PHF21A: variants seen among roughly 807,000 people sequenced by gnomAD.
The protein encoded by PHF21A is PHD finger protein 21A, also known as BHC80a.
Under a neutral mutation model 82.5 loss-of-function variants are expected in PHF21A, and 11 were observed. The observed-to-expected ratio is 0.13, with a 90% CI of 0.08 to 0.22. The LOEUF (loss-of-function observed/expected upper bound fraction) is 0.22. Ranked by LOEUF, PHF21A falls within the 10% of genes least tolerant of loss-of-function variation. The pLI is 1.00. For synonymous variants in PHF21A, 297 were observed against 302.8 expected, an observed-to-expected ratio of 0.98 and a Z score of 0.20; for missense variants, 579 against 837.8, an observed-to-expected ratio of 0.69 and a Z score of 3.81.
chr11:45,948,523 A>G (rs1277607729), intron 14 of PHF21A, among the ~76,000 whole-genome samples: 1 of 152,198 alleles, frequency 6.6e-6, no homozygotes, highest in Non-Finnish European at 1.5e-5. Flanking sequence ...TATTAGGAAC[A>G]CCTTGGCAAT....
rs563068611 is a variant in PHF21A, at chr11:46,075,224, C to T, written c.153+1530G>A. Among the ~76,000 whole-genome samples, 129 of 152,288 alleles carry T rather than the reference C, an allele frequency of 8.5e-4. 3 individuals carry two copies. The South Asian group carries it at 0.025, about 30-fold the overall frequency. ...TAAACCAAATCTATGTTAGTTCTCACAAACAAAAATTTCGAGTAGATGTAA... is the reference window on the plus strand; with the variant it reads ...TAAACCAAATCTATGTTAGTTCTCATAAACAAAAATTTCGAGTAGATGTAA... On this transcript the variant is annotated intron_variant, in intron 6 of 18. Transcript: ENST00000676320.
At chr11:46,047,320 A>G (rs2096272532) in intron 6 of PHF21A, among the ~76,000 whole-genome samples, 1 of 152,222 alleles carries the variant, frequency 6.6e-6, no homozygotes, top group South Asian at 2.1e-4. Context: ...CTGGAGTTGA[A>G]AACATGAAAG....
At chr11:46,077,255 C>T (rs758619255) in intron 5 of PHF21A, among the ~76,000 whole-genome samples, 2 of 152,160 alleles carry the variant, frequency 1.3e-5, no homozygotes, top group Non-Finnish European at 2.9e-5. Context: ...TCCACTTGCC[C>T]TCTCCCTTAT....
chr11:45,974,422 ATTATTATT>A lies in PHF21A; in HGVS notation c.361-3063_361-3056del, dbSNP rs2093925801. Among the ~76,000 whole-genome samples the A allele has an allele frequency of 8.6e-4, 3 of 3,498 alleles. 1 individual carries two copies. The South Asian group carries it at 0.045, about 53-fold the overall frequency. The allele number at this position is 3,498 out of a possible 152,430, so 2.3% of individuals were successfully genotyped here. Reference sequence around the variant, plus strand: ...GAAGAAAGGTGTCAAACGACAAATTATTATTATTATTATTATTATTATTATTATTATTG... The same window carrying A: ...GAAGAAAGGTGTCAAACGACAAATTAATTATTATTATTATTATTATTATTG... On this transcript the variant is annotated intron_variant, in intron 7 of 18. Coordinates refer to ENST00000676320, the MANE Select transcript of PHF21A (RefSeq NM_001352027.3).
chr11:45,979,645 C>T, intron 7 of PHF21A, 115 bp downstream of exon 7: 2 of 1,439,796 alleles, frequency 1.4e-6, no homozygotes, highest in Non-Finnish European at 1.9e-6. Flanking sequence ...ATCAAAATAA[C>T]TTTTGTTTAG....
intron 6 of PHF21A, among the ~76,000 whole-genome samples, chr11:45,985,446 C>T (rs943231834): frequency 6.6e-6 from 1 of 152,158 alleles, no homozygotes; most frequent in Non-Finnish European, 1.5e-5. Flanking sequence ...TATGGACAAA[C>T]ACACAGAAGA....
chr11:46,034,514 GTTTTC>G (rs2095946911), intron 6 of PHF21A, among the ~76,000 whole-genome samples: 2 of 152,028 alleles, frequency 1.3e-5, no homozygotes, highest in African/African-American at 2.4e-5. Flanking sequence ...CAAAAAAACT[GTTTTC>G]TTTTAGTATT....
intron 6 of PHF21A, among the ~76,000 whole-genome samples, chr11:46,038,443 A>G (rs561340467): frequency 3.9e-5 from 6 of 152,246 alleles, no homozygotes; most frequent in South Asian, 2.1e-4. Flanking sequence ...CATTCTTTCA[A>G]TAACTATTTA....
chr11:45,981,915 G>T (rs1591562203), intron 6 of PHF21A, among the ~76,000 whole-genome samples: 2 of 135,500 alleles, frequency 1.5e-5, no homozygotes, highest in Non-Finnish European at 1.6e-5. Flanking sequence ...TTTATTTTTT[G>T]GTTTGTTTCT....
intron 16 of PHF21A, 200 bp from the exon 17 acceptor site, chr11:45,936,769 G>A (rs937085642): frequency 1.3e-5 from 7 of 544,386 alleles, no homozygotes; most frequent in African/African-American, 5.8e-5. Context: ...GTTCAAGGCA[G>A]GAAGAGCCAG....
At chr11:45,937,753 T>C (rs768123504) in intron 16 of PHF21A, among the ~76,000 whole-genome samples, 2 of 152,190 alleles carry the variant, frequency 1.3e-5, no homozygotes, top group Non-Finnish European at 2.9e-5. Context: ...AGTGCTGAGA[T>C]TACAGGCCTG....
At chr11:46,000,285 AAATAT>A (rs1358666527) in intron 6 of PHF21A, among the ~76,000 whole-genome samples, 2 of 152,218 alleles carry the variant, frequency 1.3e-5, no homozygotes, top group Non-Finnish European at 2.9e-5. Flanking sequence ...GTTATTTAGA[AAATAT>A]ATTCTCTCAC....
chr11:46,003,153 T>C (rs2095194181), intron 6 of PHF21A, among the ~76,000 whole-genome samples: 1 of 152,106 alleles, frequency 6.6e-6, no homozygotes, highest in Non-Finnish European at 1.5e-5. Context: ...CTCAATAGAA[T>C]CTTTTTAAAG....
chr11:46,022,302 A>G (rs535972008), intron 6 of PHF21A, among the ~76,000 whole-genome samples: 1 of 152,204 alleles, frequency 6.6e-6, no homozygotes, highest in African/African-American at 2.4e-5. Flanking sequence ...AAAAAATTTA[A>G]AAATTAGCCA....
intron 1 of PHF21A, among the ~76,000 whole-genome samples, chr11:46,119,213 G>A (rs1310455548): frequency 2.0e-5 from 3 of 151,670 alleles, no homozygotes; most frequent in Non-Finnish European, 2.9e-5. Context: ...TTCCCAGCTC[G>A]AGCATCTACA....
At chr11:46,075,945 C>T (rs956710625) in intron 6 of PHF21A, among the ~76,000 whole-genome samples, 1 of 152,192 alleles carries the variant, frequency 6.6e-6, no homozygotes, top group African/African-American at 2.4e-5. Flanking sequence ...GAAATATCAA[C>T]TGCAAATCAC....
chr11:45,943,031 A>C (rs189467147), intron 15 of PHF21A, among the ~76,000 whole-genome samples: 16 of 151,340 alleles, frequency 1.1e-4, no homozygotes, highest in Admixed American at 8.5e-4. Flanking sequence ...CCTATATTCA[A>C]TCCTGATGGC....
In PHF21A at chr11:46,017,478, ACT is replaced by A. The variant is rs1467724796; in HGVS notation, c.154-37514_154-37513del. Among the ~76,000 whole-genome samples the A allele has an allele frequency of 2.0e-5, 3 of 151,660 alleles. No individual in the cohort carries two copies. The East Asian group carries it at 5.8e-4, about 29-fold the overall frequency. On this transcript the variant is annotated intron_variant, in intron 6 of 18. Coordinates refer to ENST00000676320, the MANE Select transcript of PHF21A (RefSeq NM_001352027.3). ...TGCTTTGGGTGTGTGGACTGATAAC[ACT>A]CTGTCTCCCTGTGGTGGTAGGAAGC...
At chr11:45,982,292 C>A (rs1223253477) in intron 6 of PHF21A, among the ~76,000 whole-genome samples, 2 of 152,096 alleles carry the variant, frequency 1.3e-5, no homozygotes, top group East Asian at 3.9e-4. Context: ...ATTATTGATT[C>A]TTTTCAGACA....
Sources: allele counts gnomAD v4.1 joint callset (sites outside exome capture counted in the v4.1 genomes callset), GRCh38; gene constraint gnomAD v4.1.1; transcripts MANE v1.5; gene names NCBI Gene and HGNC (gene_info 2026-07-23, HGNC 2026-07-21).